AGO3: variants seen among roughly 807,000 people sequenced by gnomAD.
AGO3 encodes protein argonaute-3.
A neutral mutation model predicts 105.5 loss-of-function variants in AGO3; 16 were observed. The ratio of observed to expected loss-of-function variants is 0.15; its 90% CI spans 0.10 to 0.23. The LOEUF is 0.23. AGO3 is among the 10% of genes least tolerant of loss of function. AGO3 has a pLI of 1.00. For missense variants in AGO3, 534 were observed against 1,088.0 expected, an observed-to-expected ratio of 0.49 and a Z score of 7.16; for synonymous variants, 340 against 367.3, an observed-to-expected ratio of 0.93 and a Z score of 0.85.
intron 1 of AGO3, among the ~76,000 whole-genome samples, chr1:35,938,523 C>T (rs1316487369): frequency 1.3e-5 from 2 of 152,038 alleles, no homozygotes; most frequent in Admixed American, 1.3e-4. Flanking sequence ...AAGTATCTTT[C>T]CCATATCATT....
chr1:35,982,722 G>C (rs374637395), intron 5 of AGO3: 2 of 711,704 alleles, frequency 2.8e-6, no homozygotes, highest in Non-Finnish European at 5.2e-6. Context: ...GGTAAGAGAT[G>C]GTGATGGTCT....
chr1:36,030,655 A>G (rs1181007255), intron 12 of AGO3, among the ~76,000 whole-genome samples: 10 of 152,196 alleles, frequency 6.6e-5, no homozygotes, highest in Non-Finnish European at 1.5e-4. Context: ...GTATAAATTG[A>G]TATTACCTTT....
chr1:35,974,418 T>C (rs564339787), intron 5 of AGO3, among the ~76,000 whole-genome samples: 1 of 152,214 alleles, frequency 6.6e-6, no homozygotes, highest in Non-Finnish European at 1.5e-5. Flanking sequence ...CTGTAGAATA[T>C]GTTCAAATCT....
intron 5 of AGO3, among the ~76,000 whole-genome samples, chr1:35,998,321 T>G (rs902903115): frequency 6.6e-6 from 1 of 152,192 alleles, no homozygotes; most frequent in African/African-American, 2.4e-5. Flanking sequence ...TTAGGTTGTT[T>G]CCATTCTTTT....
Position 36,009,467 on chromosome 1 carries a change from A to C in AGO3, c.1030-8A>C. ...TACATGTAGTACAAAACTTTTTTCC[A>C]TTTGTAGGTCTGTAATATTGTGGCA... On this transcript the variant is annotated splice_region_variant and splice_polypyrimidine_tract_variant and intron_variant, in intron 8 of 18. Coordinates refer to ENST00000373191, the MANE Select transcript of AGO3 (RefSeq NM_024852.4). The C allele has an allele frequency of 6.2e-7, 1 of 1,604,058 alleles. No individual in the cohort carries two copies. The highest frequency in any genetic ancestry group is 1.3e-5 in the African/African-American group (1 of 74,228).
intron 5 of AGO3, among the ~76,000 whole-genome samples, chr1:36,003,190 TG>T (rs1193336384): frequency 1.3e-5 from 2 of 151,948 alleles, no homozygotes; most frequent in African/African-American, 2.4e-5. Flanking sequence ...TGCAACTTAC[TG>T]TCTTATGGTT....
chr1:35,978,920 C>T (rs1478295381), intron 5 of AGO3, among the ~76,000 whole-genome samples: 2 of 152,102 alleles, frequency 1.3e-5, no homozygotes, highest in Admixed American at 6.5e-5. Context: ...ACTAGAAATA[C>T]ATAATATTAT....
intron 1 of AGO3, among the ~76,000 whole-genome samples, chr1:35,945,229 T>C (rs890577782): frequency 2.4e-4 from 37 of 151,450 alleles, no homozygotes; most frequent in Admixed American, 2.2e-3. Flanking sequence ...TTTTTTTAAA[T>C]AGAGACAAGT....
At chr1:35,961,628 A>G (rs1646678891) in intron 2 of AGO3, among the ~76,000 whole-genome samples, 1 of 152,018 alleles carries the variant, frequency 6.6e-6, no homozygotes, top group Non-Finnish European at 1.5e-5. Context: ...ATTTTTACTC[A>G]TATTACATGA....
chr1:36,013,474 G>A, intron 9 of AGO3, 156 bp from the exon 10 acceptor site: 1 of 957,290 alleles, frequency 1.0e-6, no homozygotes, highest in Non-Finnish European at 1.5e-6. Context: ...TGGTCCCCAG[G>A]TTAAGATTCG....
chr1:35,986,485 T>A (rs1295608132), intron 5 of AGO3, among the ~76,000 whole-genome samples: 1 of 152,056 alleles, frequency 6.6e-6, no homozygotes, highest in East Asian at 1.9e-4. Flanking sequence ...GGCCAGGAGT[T>A]CAAGACCAGC....
chr1:36,030,742 A>T (rs75780558), intron 12 of AGO3, among the ~76,000 whole-genome samples: 2 of 152,216 alleles, frequency 1.3e-5, no homozygotes, highest in Admixed American at 1.3e-4. Flanking sequence ...CAGCCTCCCA[A>T]TGCTGGGATT....
intron 5 of AGO3, among the ~76,000 whole-genome samples, chr1:35,980,226 A>G (rs1647028521): frequency 6.6e-6 from 1 of 152,056 alleles, no homozygotes; most frequent in Admixed American, 6.6e-5. Context: ...ATATAGTATT[A>G]TTTTATTGCT....
intron 1 of AGO3, 64 bp downstream of exon 1, chr1:35,931,509 G>T: frequency 2.2e-6 from 3 of 1,338,278 alleles, no homozygotes; most frequent in Non-Finnish European, 2.9e-6. Flanking sequence ...GAGCATCCCT[G>T]CTCCTCCCGC....
chr1:35,983,919 G>A (rs1430017632), intron 5 of AGO3, among the ~76,000 whole-genome samples: 3 of 152,140 alleles, frequency 2.0e-5, no homozygotes, highest in Non-Finnish European at 2.9e-5. Context: ...AGAAATTTAG[G>A]TATGAAAATC....
intron 2 of AGO3, among the ~76,000 whole-genome samples, chr1:35,952,431 C>A (rs1409865506): frequency 6.6e-6 from 1 of 152,120 alleles, no homozygotes; most frequent in African/African-American, 2.4e-5. Context: ...GGGTGAGCCA[C>A]TGCATCCGGC....
chr1:36,029,381 C>CTCTT (rs1161348982), intron 12 of AGO3, among the ~76,000 whole-genome samples: 33 of 148,664 alleles, frequency 2.2e-4, no homozygotes, highest in Non-Finnish European at 2.5e-4. Flanking sequence ...ATTAAATTTT[C>CTCTT]TCTTTCTTTC....
chr1:36,040,532 G>A (rs949429035), intron 16 of AGO3, 91 bp downstream of exon 16: 1 of 1,409,930 alleles, frequency 7.1e-7, no homozygotes, highest in Admixed American at 2.1e-5. Context: ...GCCAACAGCA[G>A]GATTTCCAAT....
rs1035587952 is a variant in AGO3, at chr1:35,947,250, G to GT, written c.191+1397dup. Among the ~76,000 whole-genome samples the GT allele has an allele frequency of 2.3e-3, 338 of 148,340 alleles. 1 individual carries two copies. The highest frequency in any genetic ancestry group is 7.3e-3 in the African/African-American group (296 of 40,532). On this transcript the variant is annotated intron_variant, in intron 2 of 18. Coordinates refer to ENST00000373191, the MANE Select transcript of AGO3 (RefSeq NM_024852.4). ...GTTAATTACAACATTCCTATAGGTG[G>GT]TTTTTTTTTTAACATGTTATCAGAT...
Sources: gnomAD v4.1 joint callset for allele counts (sites outside exome capture counted in the v4.1 genomes callset) on GRCh38, gnomAD v4.1.1 for gene constraint, MANE v1.5 for transcripts, NCBI Gene and HGNC (gene_info 2026-07-23, HGNC 2026-07-21) for gene names.